Variants in NALF1 observed in about 807,000 individuals in gnomAD.
The protein encoded by NALF1 is NALCN channel auxiliary factor 1, also known as family with sequence similarity 155 member A.
NALF1 carries 3 observed loss-of-function variants against 48.4 expected under a neutral mutation model. That is an observed-to-expected ratio of 0.06 (90% CI 0.03 to 0.16). The LOEUF is 0.16. Among genes scored for constraint, NALF1 ranks in the 10% least tolerant of loss-of-function variants. The pLI, the probability that NALF1 is intolerant of heterozygous loss-of-function variation, is 1.00. For missense variants in NALF1, 526 were observed against 571.5 expected (o/e 0.92, Z 0.81); for synonymous variants, 262 against 245.7 (o/e 1.07, Z -0.62).
chr13:107,680,591 T>A (rs1881268388), intron 1 of NALF1, among the ~76,000 whole-genome samples: 1 of 134,632 alleles, frequency 7.4e-6, no homozygotes, highest in Admixed American at 8.0e-5. Context: ...TGACTGTGTG[T>A]GAGGATGTAT....
chr13:107,565,656 A>C (rs920371340), intron 1 of NALF1, among the ~76,000 whole-genome samples: 13 of 152,222 alleles, frequency 8.5e-5, no homozygotes, highest in African/African-American at 2.4e-4. Flanking sequence ...CAATTTCCCC[A>C]TCTGCAAAAT....
intron 1 of NALF1, among the ~76,000 whole-genome samples, chr13:107,559,872 G>A (rs556721718): frequency 5.3e-5 from 8 of 152,212 alleles, no homozygotes; most frequent in South Asian, 2.1e-4. Context: ...AGATAACAAC[G>A]TGAAATATAT....
At chr13:107,553,231 T>A (rs1877349999) in intron 1 of NALF1, among the ~76,000 whole-genome samples, 1 of 152,186 alleles carries the variant, frequency 6.6e-6, no homozygotes, top group Non-Finnish European at 1.5e-5. Context: ...TAAAACTGGT[T>A]TATAACACGT....
chr13:107,391,826 G>A (rs994149639), intron 1 of NALF1, among the ~76,000 whole-genome samples: 3 of 152,042 alleles, frequency 2.0e-5, no homozygotes, highest in African/African-American at 2.4e-5. Context: ...TTTGATTGAT[G>A]TCTCACGCCT....
intron 1 of NALF1, among the ~76,000 whole-genome samples, chr13:107,349,123 A>G (rs1002344390): frequency 7.9e-5 from 12 of 152,326 alleles, no homozygotes; most frequent in African/African-American, 2.9e-4. Context: ...GTGAAATAGG[A>G]TTTCCTGGGG....
chr13:107,566,742 T>C (rs1877820612), intron 1 of NALF1, among the ~76,000 whole-genome samples: 1 of 152,190 alleles, frequency 6.6e-6, no homozygotes, highest in Non-Finnish European at 1.5e-5. Context: ...TTTTTTCCGA[T>C]TTCCAATTTC....
At chr13:107,848,384 T>C (rs1054367344) in intron 1 of NALF1, among the ~76,000 whole-genome samples, 3 of 152,156 alleles carry the variant, frequency 2.0e-5, no homozygotes, top group Non-Finnish European at 2.9e-5. Context: ...AAATGCAGAG[T>C]AAATGATTCA....
intron 1 of NALF1, among the ~76,000 whole-genome samples, chr13:107,565,715 T>C (rs1473935310): frequency 6.6e-6 from 1 of 152,184 alleles, no homozygotes; most frequent in African/African-American, 2.4e-5. Context: ...TACATGTGTG[T>C]ATGAGTGTAT....
At chr13:107,853,709 T>C (rs1402347965) in intron 1 of NALF1, among the ~76,000 whole-genome samples, 1 of 152,204 alleles carries the variant, frequency 6.6e-6, no homozygotes, top group Non-Finnish European at 1.5e-5. Context: ...CAATAGACTT[T>C]CCTAATGTTC....
chr13:107,201,168 C>CATCT (rs10596555), intron 2 of NALF1, among the ~76,000 whole-genome samples: 1,674 of 150,580 alleles, frequency 0.011, 9 homozygotes, highest in East Asian at 0.026. Flanking sequence ...ATCTATCTAT[C>CATCT]ATCTATCTAT....
At chr13:107,744,317 A>T (rs1426890279) in intron 1 of NALF1, among the ~76,000 whole-genome samples, 2 of 152,208 alleles carry the variant, frequency 1.3e-5, no homozygotes, top group African/African-American at 4.8e-5. Flanking sequence ...AGTCCAGCAG[A>T]TTGCCTCGAG....
chr13:107,257,558 A>C (rs953243982), intron 1 of NALF1, among the ~76,000 whole-genome samples: 2 of 151,418 alleles, frequency 1.3e-5, no homozygotes, highest in African/African-American at 4.9e-5. Context: ...GATAGTTTTA[A>C]GGGCCCTCAG....
chr13:107,252,010 A>G (rs1428459374), intron 1 of NALF1, among the ~76,000 whole-genome samples: 1 of 152,170 alleles, frequency 6.6e-6, no homozygotes, highest in African/African-American at 2.4e-5. Flanking sequence ...AAAGCCCTGG[A>G]GAAAGCCCAG....
intron 1 of NALF1, among the ~76,000 whole-genome samples, chr13:107,614,304 C>G (rs1184649812): frequency 6.6e-6 from 1 of 152,194 alleles, no homozygotes; most frequent in Non-Finnish European, 1.5e-5. Flanking sequence ...TTCTCTACAT[C>G]TAGTCTTTTT....
At chr13:107,681,316 A>G (rs1001485515) in intron 1 of NALF1, among the ~76,000 whole-genome samples, 4 of 152,156 alleles carry the variant, frequency 2.6e-5, no homozygotes, top group Admixed American at 2.6e-4. Flanking sequence ...GATTGGCCAC[A>G]CTGACTTCAA....
chr13:107,381,147 T>C (rs1490136597), intron 1 of NALF1, among the ~76,000 whole-genome samples: 6 of 147,918 alleles, frequency 4.1e-5, no homozygotes, highest in Admixed American at 1.3e-4. Flanking sequence ...TTCATATATA[T>C]ATGTATTTAA....
At chr13:107,796,736 A>T (rs1013985582) in intron 1 of NALF1, among the ~76,000 whole-genome samples, 1 of 152,024 alleles carries the variant, frequency 6.6e-6, no homozygotes, top group African/African-American at 2.4e-5. Flanking sequence ...ATTCCAACTT[A>T]TTCTCCATGA....
At chr13:107,672,697 A>G (rs1296481356) in intron 1 of NALF1, among the ~76,000 whole-genome samples, 1 of 152,168 alleles carries the variant, frequency 6.6e-6, no homozygotes, top group African/African-American at 2.4e-5. Context: ...AATCATCACC[A>G]GTATTAGCAA....
At chr13:107,762,478 T>G (rs1877291278) in intron 1 of NALF1, among the ~76,000 whole-genome samples, 1 of 152,106 alleles carries the variant, frequency 6.6e-6, no homozygotes, top group Admixed American at 6.5e-5. Context: ...CAAGGGGTCA[T>G]GGGAGAGCAC....
Sources: gnomAD v4.1 joint callset for allele counts (sites outside exome capture counted in the v4.1 genomes callset) on GRCh38, gnomAD v4.1.1 for gene constraint, MANE v1.5 for transcripts, NCBI Gene and HGNC (gene_info 2026-07-23, HGNC 2026-07-21) for gene names.